NTRK2: variants seen among roughly 807,000 people sequenced by gnomAD.
NTRK2 encodes the protein neurotrophic receptor tyrosine kinase 2.
Under a neutral mutation model 94.5 loss-of-function variants are expected in NTRK2, and 13 were observed. The observed-to-expected ratio is 0.14, with a 90% confidence interval of 0.09 to 0.22. NTRK2 has a LOEUF of 0.22. Ranked by LOEUF, NTRK2 falls within the 10% of genes least tolerant of loss-of-function variation. The pLI is 1.00. For missense variants in NTRK2, 639 were observed against 1,071.2 expected, an observed-to-expected ratio of 0.60 and a Z score of 5.63; for synonymous variants, 372 against 407.4, an observed-to-expected ratio of 0.91 and a Z score of 1.05.
rs1027556617 is a variant in NTRK2, at chr9:85,018,639, T to C, written c.2173-1567T>C. ...ACAGAGTTATAAACAGGGCAGATAT[T>C]TGCCAAACCAGAAATGTGCTGAAAT... On this transcript the variant is annotated intron_variant, in intron 17 of 18. Coordinates refer to ENST00000277120, the MANE Select transcript of NTRK2 (RefSeq NM_006180.6). 2.6e-5 allele frequency among the ~76,000 whole-genome samples: 4 copies of C among 152,336 alleles called. No individual in the cohort carries two copies. In the East Asian group the frequency reaches 5.8e-4, roughly 22 times the overall value.
intron 12 of NTRK2, among the ~76,000 whole-genome samples, chr9:84,848,307 G>T (rs140713360): frequency 6.6e-6 from 1 of 152,206 alleles, no homozygotes; most frequent in African/African-American, 2.4e-5. Context: ...ATGATAATCC[G>T]CAGCTGTGCA....
intron 17 of NTRK2, among the ~76,000 whole-genome samples, chr9:85,016,806 C>T (rs1156363641): frequency 6.6e-6 from 1 of 152,118 alleles, no homozygotes; most frequent in East Asian, 1.9e-4. Flanking sequence ...ACCACTCACC[C>T]ATTTGACATC....
At chr9:84,707,167 AT>A (rs916835539) in intron 4 of NTRK2, among the ~76,000 whole-genome samples, 4 of 151,518 alleles carry the variant, frequency 2.6e-5, no homozygotes, top group African/African-American at 9.8e-5. Flanking sequence ...GTAAATTATT[AT>A]TTTTTTTAGT....
chr9:84,790,356 C>T (rs909513709), intron 12 of NTRK2, among the ~76,000 whole-genome samples: 1 of 152,084 alleles, frequency 6.6e-6, no homozygotes, highest in African/African-American at 2.4e-5. Flanking sequence ...CTGTTCTAAG[C>T]AGTGGATAAT....
intron 12 of NTRK2, among the ~76,000 whole-genome samples, chr9:84,818,462 G>C (rs2072567040): frequency 1.3e-5 from 2 of 152,204 alleles, no homozygotes; most frequent in Non-Finnish European, 2.9e-5. Flanking sequence ...CTTGATCCCA[G>C]CAAGTCTTCA....
At chr9:84,707,719 A>G in intron 4 of NTRK2, 125 bp from the exon 5 acceptor site, 1 of 716,756 alleles carries the variant, frequency 1.4e-6, no homozygotes, top group South Asian at 1.8e-5. Context: ...AGAGATCTGG[A>G]TGTAAGTAAA....
At chr9:84,683,542 AG>A (rs1390769564) in intron 2 of NTRK2, among the ~76,000 whole-genome samples, 1 of 152,182 alleles carries the variant, frequency 6.6e-6, no homozygotes, top group African/African-American at 2.4e-5. Context: ...GTGGCTGCAT[AG>A]TATTTCATGG....
At chr9:84,675,684 G>GA (rs897443405) in intron 2 of NTRK2, among the ~76,000 whole-genome samples, 4 of 151,448 alleles carry the variant, frequency 2.6e-5, no homozygotes, top group South Asian at 2.1e-4. Flanking sequence ...ATAGAGGGAA[G>GA]AAAAAAAACC....
chr9:84,958,904 GCAGAAGCTGTTGATCTGT>G (rs1230763622), intron 17 of NTRK2, among the ~76,000 whole-genome samples: 1 of 152,116 alleles, frequency 6.6e-6, no homozygotes, highest in Non-Finnish European at 1.5e-5. Flanking sequence ...AAATGGACAA[GCAGAAGCTGTTGATCTGT>G]TTTACAGGAG....
intron 14 of NTRK2, chr9:84,873,587 CT>C: frequency 9.5e-7 from 1 of 1,051,976 alleles, no homozygotes; most frequent in Non-Finnish European, 1.1e-6. Context: ...TCAAATAATG[CT>C]TTAAAAAAGC....
intron 6 of NTRK2, among the ~76,000 whole-genome samples, chr9:84,719,743 G>T (rs2131962194): frequency 6.6e-6 from 1 of 152,190 alleles, no homozygotes; most frequent in East Asian, 1.9e-4. Flanking sequence ...AGTCGGCTGG[G>T]CACGGTGGCT....
chr9:84,975,532 C>T (rs1277219967), intron 17 of NTRK2, among the ~76,000 whole-genome samples: 1 of 152,172 alleles, frequency 6.6e-6, no homozygotes, highest in African/African-American at 2.4e-5. Flanking sequence ...AGTCAAGTTG[C>T]ACAGGCAGTG....
intron 17 of NTRK2, among the ~76,000 whole-genome samples, chr9:85,015,641 A>C (rs1156256561): frequency 2.0e-5 from 3 of 152,188 alleles, no homozygotes; most frequent in Non-Finnish European, 4.4e-5. Context: ...ACGTTAGGCA[A>C]AGAAAGGAGT....
chr9:84,811,627 C>A (rs202017888), intron 12 of NTRK2: 4 of 1,064,984 alleles, frequency 3.8e-6, no homozygotes, highest in African/African-American at 1.6e-5. Flanking sequence ...GAAGGATAGT[C>A]CCCCCTACAA....
At position 84,759,577 on chromosome 9, in the gene NTRK2, TA is replaced by T. The variant is rs1288645097; in HGVS notation, c.1396+7498del. Among the ~76,000 whole-genome samples the T allele has an allele frequency of 1.4e-4, 22 of 152,360 alleles. No individual in the cohort carries two copies. The East Asian group carries it at 4.0e-3, about 28-fold the overall frequency. Reference sequence around the variant, plus strand: ...TTTTCACTAAAGGTGAAAGAGCCTATAAAAAATTAGATTTTGTACTTAAAGG... The same window carrying T: ...TTTTCACTAAAGGTGAAAGAGCCTATAAAAATTAGATTTTGTACTTAAAGG... On this transcript the variant is annotated intron_variant, in intron 12 of 18. Transcript: ENST00000277120.
At chr9:84,913,339 A>G (rs2132507746) in intron 14 of NTRK2, among the ~76,000 whole-genome samples, 1 of 152,268 alleles carries the variant, frequency 6.6e-6, no homozygotes, top group East Asian at 1.9e-4. Flanking sequence ...AGCCTTAATC[A>G]TCTTTATTCC....
At chr9:84,944,264 CTTT>C (rs1209056623) in intron 15 of NTRK2, among the ~76,000 whole-genome samples, 2 of 127,042 alleles carry the variant, frequency 1.6e-5, no homozygotes, top group Non-Finnish European at 3.4e-5. Context: ...GTCTAGCATT[CTTT>C]TTTTTTTTTT....
intron 15 of NTRK2, among the ~76,000 whole-genome samples, chr9:84,944,098 G>T (rs1225163247): frequency 2.0e-5 from 3 of 152,016 alleles, no homozygotes; most frequent in Non-Finnish European, 4.4e-5. Context: ...ATTGCACTGA[G>T]AATGGGCTCT....
At chr9:84,945,308 A>T (rs2078561848) in intron 15 of NTRK2, among the ~76,000 whole-genome samples, 1 of 152,132 alleles carries the variant, frequency 6.6e-6, no homozygotes, top group African/African-American at 2.4e-5. Flanking sequence ...TAGTTGCCTG[A>T]TACTGGATCA....
Sources: allele counts gnomAD v4.1 joint callset (sites outside exome capture counted in the v4.1 genomes callset), GRCh38; gene constraint gnomAD v4.1.1; transcripts MANE v1.5; gene names NCBI Gene and HGNC (gene_info 2026-07-23, HGNC 2026-07-21).